The following SLIT3 variants were observed in gnomAD, a reference collection of about 807,000 sequenced individuals.
SLIT3 encodes the protein slit guidance ligand 3.
Under a neutral mutation model 184.0 loss-of-function variants are expected in SLIT3, and 68 were observed. That is an observed-to-expected ratio of 0.37 (90% CI 0.30 to 0.45). The LOEUF (loss-of-function observed/expected upper bound fraction) is 0.45, where lower values mean the gene tolerates loss of function less well. Among genes scored for constraint, SLIT3 ranks in the 20% least tolerant of loss-of-function variants. The pLI, the probability that SLIT3 is intolerant of heterozygous loss-of-function variation, is 1.00. For synonymous variants in SLIT3, 831 were observed against 828.6 expected (o/e 1.00, Z -0.05); for missense variants, 1,707 against 2,026.0 (o/e 0.84, Z 3.02).
chr5:168,719,621 C>G (rs1192406738), intron 23 of SLIT3, among the ~76,000 whole-genome samples: 1 of 152,204 alleles, frequency 6.6e-6, no homozygotes, highest in Non-Finnish European at 1.5e-5. Flanking sequence ...TTTCCTTAAA[C>G]ATTTCCCCAC....
At chr5:168,864,671 G>T (rs1759235956) in intron 5 of SLIT3, among the ~76,000 whole-genome samples, 1 of 152,152 alleles carries the variant, frequency 6.6e-6, no homozygotes, top group South Asian at 2.1e-4. Context: ...AAGAACTCAA[G>T]AACTCTCTCT....
At chr5:168,895,733 G>C (rs529820148) in intron 4 of SLIT3, among the ~76,000 whole-genome samples, 2 of 152,344 alleles carry the variant, frequency 1.3e-5, no homozygotes, top group African/African-American at 4.8e-5. Flanking sequence ...ACTCACACCT[G>C]TGGATGTGCT....
At chr5:168,682,455 G>C (rs1187905672) in intron 32 of SLIT3, among the ~76,000 whole-genome samples, 1 of 152,218 alleles carries the variant, frequency 6.6e-6, no homozygotes, top group Non-Finnish European at 1.5e-5. Context: ...AACCCCTAGG[G>C]TTTTGGATTC....
chr5:169,245,859 C>T (rs1215449391), intron 2 of SLIT3, among the ~76,000 whole-genome samples: 1 of 152,160 alleles, frequency 6.6e-6, no homozygotes, highest in Non-Finnish European at 1.5e-5. Context: ...GTTTAGTTCC[C>T]AAGTCTATCT....
chr5:168,681,342 G>C (rs1247118524), intron 32 of SLIT3, among the ~76,000 whole-genome samples: 5 of 152,176 alleles, frequency 3.3e-5, no homozygotes, highest in Non-Finnish European at 5.9e-5. Flanking sequence ...CCCAAACATG[G>C]GGCCTGGTAG....
intron 4 of SLIT3, among the ~76,000 whole-genome samples, chr5:168,938,700 G>T (rs987317743): frequency 6.6e-6 from 1 of 151,998 alleles, no homozygotes; most frequent in Non-Finnish European, 1.5e-5. Context: ...GCCTGATCTC[G>T]GCTCACTGCA....
rs1313834718 is a variant in SLIT3, at chr5:168,848,676, A to G, written c.486-4021T>C. Among the ~76,000 whole-genome samples the G allele has an allele frequency of 2.0e-5, 3 of 152,204 alleles. No homozygotes were observed. The East Asian group carries it at 5.8e-4, about 29-fold the overall frequency. On this transcript the variant is annotated intron_variant, in intron 5 of 35. Transcript: ENST00000519560. ...TTTAGAGAGGAATCCTCCGACAAGCACTAAATGCAGACTCCCCGAGAGCAG... is the reference window on the plus strand; with the variant it reads ...TTTAGAGAGGAATCCTCCGACAAGCGCTAAATGCAGACTCCCCGAGAGCAG...
chr5:168,820,220 G>A (rs778134789), intron 7 of SLIT3, among the ~76,000 whole-genome samples: 3 of 152,128 alleles, frequency 2.0e-5, no homozygotes, highest in Non-Finnish European at 2.9e-5. Flanking sequence ...ACACAAGGGA[G>A]GGTGGCCTCC....
chr5:169,186,153 A>G (rs1763325514), intron 4 of SLIT3, among the ~76,000 whole-genome samples: 1 of 152,136 alleles, frequency 6.6e-6, no homozygotes, highest in Admixed American at 6.5e-5. Flanking sequence ...CCCTAATCCC[A>G]ATACCTCAGA....
intron 4 of SLIT3, among the ~76,000 whole-genome samples, chr5:169,068,245 A>T (rs1037296517): frequency 3.3e-4 from 50 of 152,176 alleles, no homozygotes; most frequent in African/African-American, 1.2e-3. Flanking sequence ...AGAAAGAAAA[A>T]AATGTTAATA....
Position 168,762,546 on chromosome 5 carries a change from T to A in SLIT3, c.1603A>T (p.Thr535Ser). 1 of 1,613,262 alleles carries A rather than the reference T, an allele frequency of 6.2e-7. No individual in the cohort carries two copies. Among genetic ancestry groups the A allele is most frequent in the Non-Finnish European group, 8.5e-7 (1 of 1,179,384 alleles). ...CGCCGAGGTTGGACTTACAGGTCGG[T>A]GACATATTCAGGGAGGTGGCTTGGG... is the stretch of plus-strand genomic sequence containing the variant. ...RIPSHLPEYVTDLRLNDNEVS... is the reference protein window; with the variant it reads ...RIPSHLPEYVSDLRLNDNEVS... Residue 535 changes from threonine (T) to serine (S), a missense_variant, in exon 15 of 36, where the codon ACC becomes TCC. Coordinates refer to ENST00000519560, the MANE Select transcript of SLIT3 (RefSeq NM_003062.4).
chr5:169,167,076 G>T (rs896558357), intron 4 of SLIT3, among the ~76,000 whole-genome samples: 1 of 151,890 alleles, frequency 6.6e-6, no homozygotes. Context: ...AGGCTGAGGT[G>T]GGAGGATTGC....
At position 168,896,054 on chromosome 5, in the gene SLIT3, T is replaced by TA. The variant is rs1032661481; in HGVS notation, c.414-12719dup. Among the ~76,000 whole-genome samples the TA allele has an allele frequency of 2.8e-4, 43 of 152,210 alleles. 1 individual carries two copies. Among genetic ancestry groups the TA allele is most frequent in the African/African-American group, 9.9e-4 (41 of 41,458 alleles). On this transcript the variant is annotated intron_variant, in intron 4 of 35. Coordinates refer to ENST00000519560, the MANE Select transcript of SLIT3 (RefSeq NM_003062.4). Reference sequence around the variant, plus strand: ...AGGTAGGAGGCAGGGGGGAAACTTCTAAAATGCTTCCTTTGTGTTTCTGAG... The same window carrying TA: ...AGGTAGGAGGCAGGGGGGAAACTTCTAAAAATGCTTCCTTTGTGTTTCTGAG...
chr5:169,035,583 A>G (rs962975434), intron 4 of SLIT3, among the ~76,000 whole-genome samples: 1 of 145,078 alleles, frequency 6.9e-6, no homozygotes, highest in African/African-American at 2.6e-5. Flanking sequence ...CAGGAGGTGG[A>G]GCTTGCAGTG....
At chr5:168,903,804 G>A (rs1287735037) in intron 4 of SLIT3, among the ~76,000 whole-genome samples, 5 of 105,828 alleles carry the variant, frequency 4.7e-5, no homozygotes, top group Admixed American at 9.2e-5. Context: ...CCAGCACCTC[G>A]TTCACTGGTT....
At position 168,755,838 on chromosome 5, in the gene SLIT3, C is replaced by T. The variant is rs567908184; in HGVS notation, c.1686-1831G>A. On this transcript the variant is annotated intron_variant, in intron 16 of 35. Coordinates refer to ENST00000519560, the MANE Select transcript of SLIT3 (RefSeq NM_003062.4). The stretch of plus-strand genomic sequence containing the variant: ...CAGACCTCAAGAGAGATCAGAACAG[C>T]AAGCAGATGCTGCAGAGCCATTAGC... Among the ~76,000 whole-genome samples, 24 of 152,274 alleles carry T rather than the reference C, an allele frequency of 1.6e-4. No individual in the cohort carries two copies. The East Asian group carries it at 3.9e-3, about 25-fold the overall frequency.
intron 4 of SLIT3, among the ~76,000 whole-genome samples, chr5:168,985,274 C>T (rs557879063): frequency 6.6e-6 from 1 of 152,340 alleles, no homozygotes; most frequent in African/African-American, 2.4e-5. Flanking sequence ...ACCATCTGAA[C>T]TGAGCCACGA....
chr5:168,996,894 G>A (rs948811680), intron 4 of SLIT3, among the ~76,000 whole-genome samples: 2 of 152,174 alleles, frequency 1.3e-5, no homozygotes, highest in African/African-American at 4.8e-5. Flanking sequence ...GAGTGGAGGA[G>A]TGATGTGTGG....
At chr5:169,154,436 C>T (rs1044322259) in intron 4 of SLIT3, among the ~76,000 whole-genome samples, 1 of 152,246 alleles carries the variant, frequency 6.6e-6, no homozygotes, top group African/African-American at 2.4e-5. Flanking sequence ...CTCTCTACCC[C>T]TTCTGCCTAG....
Sources: gnomAD v4.1 joint callset for allele counts (sites outside exome capture counted in the v4.1 genomes callset) on GRCh38, gnomAD v4.1.1 for gene constraint, MANE v1.5 for transcripts, NCBI Gene and HGNC (gene_info 2026-07-23, HGNC 2026-07-21) for gene names.